Variants in ALCAM observed in about 807,000 individuals in gnomAD.
The protein encoded by ALCAM is CD166 antigen.
Under a neutral mutation model 70.9 loss-of-function variants are expected in ALCAM, and 30 were observed. That is an observed-to-expected ratio of 0.42 (90% CI 0.32 to 0.57). The LOEUF (loss-of-function observed/expected upper bound fraction) is 0.57, where lower values mean the gene tolerates loss of function less well. ALCAM is among the 20% of genes least tolerant of loss of function. ALCAM has a pLI of 0.11. For missense variants in ALCAM, 591 were observed against 695.1 expected (o/e 0.85, Z 1.68); for synonymous variants, 249 against 242.5 (o/e 1.03, Z -0.25).
chr3:105,566,308 C>T (rs960999831), intron 14 of ALCAM, among the ~76,000 whole-genome samples: 8 of 152,158 alleles, frequency 5.3e-5, no homozygotes, highest in African/African-American at 1.9e-4. Flanking sequence ...GATATCGAAT[C>T]ATTCAATAAA....
At chr3:105,386,388 G>T (rs1394411735) in intron 1 of ALCAM, among the ~76,000 whole-genome samples, 3 of 151,530 alleles carry the variant, frequency 2.0e-5, no homozygotes, top group African/African-American at 7.3e-5. Flanking sequence ...TGGCATAAAT[G>T]GATTTGGTTC....
At chr3:105,563,779 C>G (rs1366467917) in intron 14 of ALCAM, among the ~76,000 whole-genome samples, 1 of 140,086 alleles carries the variant, frequency 7.1e-6, no homozygotes, top group African/African-American at 2.6e-5. Flanking sequence ...GCTCCGCTTC[C>G]CGGGTTCACG....
intron 1 of ALCAM, among the ~76,000 whole-genome samples, chr3:105,511,050 T>A (rs1939222552): frequency 6.6e-6 from 1 of 152,176 alleles, no homozygotes; most frequent in African/African-American, 2.4e-5. Flanking sequence ...CTCATTGCCT[T>A]CCTAAATTAT....
In ALCAM at chr3:105,545,277, C is replaced by G. The variant is rs757998130; in HGVS notation, c.1046C>G (p.Ala349Gly). ...SGEVTRQIGD[A>G]LPVSCTISAS... ...GAAGTGACTAGACAGATTGGTGATGCCCTACCCGTGTCATGCACAATATCT... is the reference window on the plus strand; with the variant it reads ...GAAGTGACTAGACAGATTGGTGATGGCCTACCCGTGTCATGCACAATATCT... Residue 349 changes from alanine (A) to glycine (G), a missense_variant, in exon 9 of 16, where the codon GCC (alanine) becomes GGC (glycine). Ala to Gly is a moderately conservative substitution (Grantham distance 60). Around this residue, in one of 2 missense-constraint regions of ALCAM, gnomAD observed 427 missense variants for 450.4 expected, o/e 0.95. Coordinates refer to ENST00000306107, the MANE Select transcript of ALCAM (RefSeq NM_001627.4). 6 of 1,609,080 alleles carry G rather than the reference C, an allele frequency of 3.7e-6. No homozygotes were observed. Among genetic ancestry groups the G allele is most frequent in the Non-Finnish European group, 5.1e-6 (6 of 1,176,400 alleles).
chr3:105,453,189 G>T (rs531249130), intron 1 of ALCAM, among the ~76,000 whole-genome samples: 1 of 152,006 alleles, frequency 6.6e-6, no homozygotes, highest in Non-Finnish European at 1.5e-5. Flanking sequence ...TTTCTTCCAG[G>T]GTTATTATAA....
chr3:105,541,379 A>G (rs965413391), intron 7 of ALCAM, among the ~76,000 whole-genome samples: 1 of 151,998 alleles, frequency 6.6e-6, no homozygotes, highest in African/African-American at 2.4e-5. Context: ...AAACTTGAGC[A>G]AAAGCCATGC....
At chr3:105,403,003 A>G (rs1936128842) in intron 1 of ALCAM, among the ~76,000 whole-genome samples, 2 of 140,240 alleles carry the variant, frequency 1.4e-5, no homozygotes, top group Non-Finnish European at 3.0e-5. Flanking sequence ...CTGGAGTGCA[A>G]TTGTGCAATC....
At chr3:105,381,738 A>G (rs1199861218) in intron 1 of ALCAM, among the ~76,000 whole-genome samples, 1 of 151,616 alleles carries the variant, frequency 6.6e-6, no homozygotes, top group African/African-American at 2.4e-5. Flanking sequence ...GTAGATTCAG[A>G]GTCTACACAA....
chr3:105,475,288 CTCTA>C (rs1938075908), intron 1 of ALCAM, among the ~76,000 whole-genome samples: 1 of 151,924 alleles, frequency 6.6e-6, no homozygotes, highest in Non-Finnish European at 1.5e-5. Context: ...GTACAGATAA[CTCTA>C]TATAATATCC....
intron 1 of ALCAM, among the ~76,000 whole-genome samples, chr3:105,506,289 A>G (rs898963908): frequency 1.3e-5 from 2 of 152,222 alleles, no homozygotes; most frequent in Admixed American, 1.3e-4. Context: ...GTAAATACAC[A>G]GAGAGGTAGA....
intron 1 of ALCAM, among the ~76,000 whole-genome samples, chr3:105,484,509 A>G (rs1053113886): frequency 3.3e-5 from 5 of 152,070 alleles, no homozygotes; most frequent in African/African-American, 1.2e-4. Flanking sequence ...ATTAATACAT[A>G]TGGTCATGGG....
chr3:105,500,993 C>T (rs995204152), intron 1 of ALCAM, among the ~76,000 whole-genome samples: 4 of 152,144 alleles, frequency 2.6e-5, no homozygotes, highest in African/African-American at 9.7e-5. Context: ...CTCCTTGGGC[C>T]CCTCTCACAG....
At chr3:105,464,585 A>G (rs1023649275) in intron 1 of ALCAM, among the ~76,000 whole-genome samples, 6 of 151,408 alleles carry the variant, frequency 4.0e-5, no homozygotes, top group Non-Finnish European at 7.4e-5. Flanking sequence ...GTTTTCTACC[A>G]TATAGAAAAC....
chr3:105,393,347 C>T (rs146258758), intron 1 of ALCAM, among the ~76,000 whole-genome samples: 1 of 151,428 alleles, frequency 6.6e-6, no homozygotes, highest in Admixed American at 6.6e-5. Context: ...AACAGAAGTG[C>T]AAATATTCTT....
At chr3:105,571,184 C>G (rs1166756267) in intron 14 of ALCAM, among the ~76,000 whole-genome samples, 1 of 152,134 alleles carries the variant, frequency 6.6e-6, no homozygotes, top group Non-Finnish European at 1.5e-5. Context: ...CAGGTCCCAT[C>G]CCCACAGTTT....
At chr3:105,453,519 T>G (rs901396229) in intron 1 of ALCAM, among the ~76,000 whole-genome samples, 14 of 152,248 alleles carry the variant, frequency 9.2e-5, no homozygotes, top group African/African-American at 2.9e-4. Context: ...TGCCTCCAGC[T>G]TTGTTCTTTT....
intron 1 of ALCAM, among the ~76,000 whole-genome samples, chr3:105,384,373 A>G (rs956477266): frequency 2.1e-4 from 32 of 151,676 alleles, no homozygotes; most frequent in African/African-American, 7.5e-4. Context: ...TCTCTGGACA[A>G]AATAATCTTA....
At chr3:105,492,837 C>T (rs1231070600) in intron 1 of ALCAM, among the ~76,000 whole-genome samples, 1 of 152,104 alleles carries the variant, frequency 6.6e-6, no homozygotes. Context: ...AGAAATATGA[C>T]ATTTGTCCTC....
intron 1 of ALCAM, among the ~76,000 whole-genome samples, chr3:105,402,938 C>CTTTTTTTTTTTTTTTTTTT (rs58126212): frequency 8.5e-6 from 1 of 117,254 alleles, no homozygotes; most frequent in Non-Finnish European, 1.8e-5. Flanking sequence ...AGCTGATGCG[C>CTTTTTTTTTTTTTTTTTTT]TTTTTTTTTT....
Sources: gnomAD v4.1 joint callset for allele counts (sites outside exome capture counted in the v4.1 genomes callset) on GRCh38, gnomAD v4.1.1 for gene constraint, gnomAD v4.1.1 regional missense constraint, MANE v1.5 for transcripts, NCBI Gene and HGNC (gene_info 2026-07-23, HGNC 2026-07-21) for gene names.